Variants in DIP2C observed in about 807,000 individuals in gnomAD.
The protein encoded by DIP2C is disco-interacting protein 2 homolog C.
In DIP2C, 33 loss-of-function variants were observed where a neutral mutation model predicts 192.4. The ratio of observed to expected loss-of-function variants is 0.17; its 90% confidence interval spans 0.13 to 0.23. The LOEUF is 0.23. Ranked by LOEUF, DIP2C falls within the 10% of genes least tolerant of loss-of-function variation. The pLI is 1.00. For missense variants in DIP2C, 1,537 were observed against 2,110.1 expected, an observed-to-expected ratio of 0.73 and a Z score of 5.32; for synonymous variants, 979 against 864.1, an observed-to-expected ratio of 1.13 and a Z score of -2.33.
intron 17 of DIP2C, among the ~76,000 whole-genome samples, chr10:377,618 C>G (rs1961778203): frequency 6.6e-6 from 1 of 152,218 alleles, no homozygotes; most frequent in South Asian, 2.1e-4. Flanking sequence ...CTTTTCCGAG[C>G]AGTGGGAAGT....
At chr10:489,569 C>A (rs1322893344) in intron 1 of DIP2C, among the ~76,000 whole-genome samples, 1 of 151,930 alleles carries the variant, frequency 6.6e-6, no homozygotes, top group East Asian at 1.9e-4. Flanking sequence ...CTGACAGTGC[C>A]TGGTGCTTCC....
At chr10:300,510 A>G (rs1244266445) in intron 32 of DIP2C, among the ~76,000 whole-genome samples, 1 of 152,204 alleles carries the variant, frequency 6.6e-6, no homozygotes, top group African/African-American at 2.4e-5. Flanking sequence ...GAGAGTAGAG[A>G]TTTAATGAGG....
chr10:383,835 G>A (rs1005350743), intron 16 of DIP2C, among the ~76,000 whole-genome samples, 192 bp downstream of exon 16: 69 of 151,964 alleles, frequency 4.5e-4, no homozygotes, highest in Non-Finnish European at 2.4e-4. Flanking sequence ...GCCCGAGTGA[G>A]TGATTACTGT....
At chr10:665,908 A>G (rs984007083) in intron 1 of DIP2C, 22 of 152,098 alleles carry the variant, frequency 1.4e-4, no homozygotes, top group African/African-American at 5.1e-4. Context: ...ATAAGAGGTA[A>G]ATAATCAAGT....
chr10:414,739 G>GTGTGTGTATATATATATATATATATA lies in DIP2C; in HGVS notation c.860-630_860-629insTATATATATATATATATATACACACA. On this transcript the variant is annotated intron_variant, in intron 7 of 36. Transcript: ENST00000280886. ...TGTGTGTGTGTGTGTGTGTGTGTGT[G>GTGTGTGTATATATATATATATATATA]TACATATATATATATATAATGTGTA... Among the ~76,000 whole-genome samples, 30 of 90,532 alleles carry GTGTGTGTATATATATATATATATATA rather than the reference G, an allele frequency of 3.3e-4. 2 individuals are homozygous for GTGTGTGTATATATATATATATATATA. The highest frequency in any genetic ancestry group is 4.1e-4 in the Non-Finnish European group (19 of 46,612). 59.4% of individuals were successfully genotyped at this position (90,532 alleles called of 152,430 possible). A position where few individuals can be genotyped will look rare whatever the true frequency, so the allele number is the denominator to read the frequency against.
chr10:289,072 C>T (rs1256001017), intron 32 of DIP2C, among the ~76,000 whole-genome samples: 5 of 152,200 alleles, frequency 3.3e-5, no homozygotes, highest in Admixed American at 2.6e-4. Context: ...GCATTTTTAC[C>T]AGGTGCCTAG....
At chr10:511,655 C>CA (rs1846021172) in intron 1 of DIP2C, among the ~76,000 whole-genome samples, 1 of 152,170 alleles carries the variant, frequency 6.6e-6, no homozygotes, top group Non-Finnish European at 1.5e-5. Flanking sequence ...ACAAGTCAGT[C>CA]ACCCCTCCAC....
chr10:618,734 A>T (rs1418631977), intron 1 of DIP2C, among the ~76,000 whole-genome samples: 1 of 152,250 alleles, frequency 6.6e-6, no homozygotes, highest in Non-Finnish European at 1.5e-5. Flanking sequence ...CCAGATCAGG[A>T]TAAGTGCTTG....
intron 1 of DIP2C, among the ~76,000 whole-genome samples, chr10:582,693 G>A (rs1004750978): frequency 6.6e-6 from 1 of 152,196 alleles, no homozygotes; most frequent in African/African-American, 2.4e-5. Flanking sequence ...GAAGAAAAGC[G>A]TGTCTCCAAA....
chr10:508,837 C>A (rs1338278716), intron 1 of DIP2C, among the ~76,000 whole-genome samples: 1 of 152,180 alleles, frequency 6.6e-6, no homozygotes, highest in Admixed American at 6.5e-5. Context: ...CTGATCAGGG[C>A]TGCATGACCC....
At chr10:661,831 C>CTT (rs1440701933) in intron 1 of DIP2C, among the ~76,000 whole-genome samples, 2 of 152,208 alleles carry the variant, frequency 1.3e-5, no homozygotes, top group African/African-American at 4.8e-5. Flanking sequence ...GGTGGTGTCT[C>CTT]TAAGTATCTC....
chr10:619,247 T>C (rs1853677043), intron 1 of DIP2C, among the ~76,000 whole-genome samples: 1 of 152,192 alleles, frequency 6.6e-6, no homozygotes, highest in Non-Finnish European at 1.5e-5. Flanking sequence ...ACTTCTCTAT[T>C]AAATCACCCC....
intron 32 of DIP2C, among the ~76,000 whole-genome samples, chr10:300,424 G>T (rs1405048199): frequency 2.0e-5 from 3 of 152,214 alleles, no homozygotes; most frequent in Non-Finnish European, 2.9e-5. Context: ...CAACTTACAT[G>T]AGGTACCTAC....
At chr10:383,987 C>T (rs61836847) in intron 16 of DIP2C, 40 bp downstream of exon 16, 5 of 1,448,362 alleles carry the variant, frequency 3.5e-6, no homozygotes, top group Admixed American at 2.8e-5. Flanking sequence ...AAAGACTCCA[C>T]AGCCCGCCTG....
rs1282195508 is a variant in DIP2C at position 408,995 on chromosome 10, C to T, written c.1080G>A (p.Met360Ile). 1 of 1,614,208 alleles carries T rather than the reference C, an allele frequency of 6.2e-7. No individual in the cohort carries two copies. Reference sequence around the variant, plus strand: ...TGTGTAGAATGCTGTAAGCGACCTTCATACTTCTTGTCCACAGCTTGCCTA... The same window carrying T: ...TGTGTAGAATGCTGTAAGCGACCTTTATACTTCTTGTCCACAGCTTGCCTA... ...LTYGKLWTRS[M>I]KVAYSILHKL... The change falls in exon 9 of 37, where the codon ATG (methionine) becomes ATA (isoleucine). Residue 360 changes from methionine to isoleucine, a missense_variant. Coordinates refer to ENST00000280886, the MANE Select transcript of DIP2C (RefSeq NM_014974.3).
intron 1 of DIP2C, among the ~76,000 whole-genome samples, chr10:609,927 G>A (rs1411847271): frequency 2.0e-5 from 3 of 152,070 alleles, no homozygotes; most frequent in South Asian, 2.1e-4. Context: ...GAAGCGAGGG[G>A]CACAAAGGAA....
In DIP2C at chr10:390,948, G is replaced by C. The variant is rs1589685495; in HGVS notation, c.1261-85C>G. 1.9e-6 allele frequency: 3 copies of C among 1,546,924 alleles called. No homozygotes were observed. The East Asian group carries it at 6.8e-5, about 35-fold the overall frequency. Reference sequence around the variant, plus strand: ...CGGCCCTCCCTCCAGCGTTCACACAGACCCTCGAGTCTGCAGAACCAGGAT... The same window carrying C: ...CGGCCCTCCCTCCAGCGTTCACACACACCCTCGAGTCTGCAGAACCAGGAT... On this transcript the variant is annotated intron_variant, in intron 10 of 36. Coordinates refer to ENST00000280886, the MANE Select transcript of DIP2C (RefSeq NM_014974.3).
chr10:456,220 T>A (rs1205569438), intron 3 of DIP2C, among the ~76,000 whole-genome samples: 17 of 102,876 alleles, frequency 1.7e-4, no homozygotes, highest in African/African-American at 6.2e-4. Context: ...CTGCAGTGAG[T>A]CCCTGCCTGA....
intron 22 of DIP2C, among the ~76,000 whole-genome samples, 187 bp downstream of exon 22, chr10:362,303 G>T (rs1959637401): frequency 6.6e-6 from 1 of 152,190 alleles, no homozygotes; most frequent in Non-Finnish European, 1.5e-5. Flanking sequence ...ATAAAAGCAA[G>T]GCATTTACAG....
Sources: gnomAD v4.1 joint callset for allele counts (sites outside exome capture counted in the v4.1 genomes callset) on GRCh38, gnomAD v4.1.1 for gene constraint, MANE v1.5 for transcripts, NCBI Gene and HGNC (gene_info 2026-07-23, HGNC 2026-07-21) for gene names.